The following ARMC2 variants were observed in gnomAD, a reference collection of about 807,000 sequenced individuals.
The protein encoded by ARMC2 is armadillo repeat-containing protein 2.
ARMC2 carries 67 observed loss-of-function variants against 90.3 expected under a neutral mutation model. The ratio of observed to expected loss-of-function variants is 0.74; its 90% CI spans 0.61 to 0.91. The LOEUF (loss-of-function observed/expected upper bound fraction) is 0.91, where lower values mean the gene tolerates loss of function less well. Ranked by LOEUF, ARMC2 falls within the 40% of genes least tolerant of loss-of-function variation. The pLI, the probability that ARMC2 is intolerant of heterozygous loss-of-function variation, is 0.00. For missense variants in ARMC2, 920 were observed against 1,030.9 expected, an observed-to-expected ratio of 0.89 and a Z score of 1.47; for synonymous variants, 393 against 393.0, an observed-to-expected ratio of 1.00 and a Z score of 0.00.
rs141262039 is a variant in ARMC2, at chr6:108,968,406, G to A, written c.2446+3266G>A. 8.9e-3 allele frequency among the ~76,000 whole-genome samples: 1,357 copies of A among 152,292 alleles called. 10 individuals carry two copies. Among genetic ancestry groups the A allele is most frequent in the Non-Finnish European group, 0.014 (980 of 68,028 alleles). ...CTGCACCTTGTGCAGGGGGACTGTG[G>A]CATGGATAACAGCAAATAAACACAG... On this transcript the variant is annotated intron_variant, in intron 17 of 17. Transcript: ENST00000392644.
chr6:108,961,517 G>A, intron 13 of ARMC2, 55 bp from the exon 14 acceptor site: 1 of 1,521,974 alleles, frequency 6.6e-7, no homozygotes, highest in Non-Finnish European at 8.8e-7. Flanking sequence ...TTGCAACGTA[G>A]TTGGTTCTAC....
At chr6:108,904,647 A>T (rs1333797710) in intron 8 of ARMC2, among the ~76,000 whole-genome samples, 1 of 7,326 alleles carries the variant, frequency 1.4e-4, no homozygotes. Context: ...CAACTAAGTT[A>T]AAAAAAAAAA....
chr6:108,889,770 A>G (rs1770766679), intron 5 of ARMC2, among the ~76,000 whole-genome samples: 1 of 151,730 alleles, frequency 6.6e-6, no homozygotes. Context: ...TTTAAGGCCC[A>G]TTTTGTAGTC....
rs1437406120 is a variant in ARMC2, at chr6:108,961,773, A to C, written c.2038+79A>C. On this transcript the variant is annotated intron_variant, in intron 14 of 17. Coordinates refer to ENST00000392644, the MANE Select transcript of ARMC2 (RefSeq NM_032131.6). ...TTATTAACTAAACACAGAGCAGGAG[A>C]CATTACTATCTTCTGCCTTCTGGTA... 6 of 1,437,842 alleles carry C rather than the reference A, an allele frequency of 4.2e-6. No homozygotes were observed. The African/African-American group carries it at 4.3e-5, about 10-fold the overall frequency. 89.1% of individuals were successfully genotyped at this position (1,437,842 alleles called of 1,614,324 possible).
chr6:108,977,996 C>G (rs1023411526), downstream of ARMC2, among the ~76,000 whole-genome samples: 3 of 152,132 alleles, frequency 2.0e-5, no homozygotes, highest in African/African-American at 7.2e-5. Context: ...GTCTCTATCA[C>G]TTTCAGTTCT....
intron 13 of ARMC2, among the ~76,000 whole-genome samples, chr6:108,956,547 A>T (rs1001033999): frequency 2.6e-5 from 4 of 151,782 alleles, no homozygotes; most frequent in Non-Finnish European, 4.4e-5. Context: ...AAAAAAAAAA[A>T]AAAATTAGCT....
intron 5 of ARMC2, among the ~76,000 whole-genome samples, chr6:108,884,647 A>G (rs963304483): frequency 3.3e-5 from 5 of 152,198 alleles, no homozygotes; most frequent in African/African-American, 9.7e-5. Flanking sequence ...TGAGGCTGCA[A>G]GCCATAGCGC....
chr6:108,911,279 T>A (rs1415664605), intron 9 of ARMC2, among the ~76,000 whole-genome samples: 1 of 152,204 alleles, frequency 6.6e-6, no homozygotes, highest in Non-Finnish European at 1.5e-5. Context: ...TGGACTTGGA[T>A]TTAATATATA....
At chr6:108,994,131 C>G in the ARMC2 span, among the ~76,000 whole-genome samples, 1 of 144,922 alleles carries the variant, frequency 6.9e-6, no homozygotes, top group African/African-American at 2.6e-5. Flanking sequence ...AAAGCAAGAC[C>G]CTGTTTCTTA....
chr6:108,955,349 C>T (rs72935149), intron 13 of ARMC2, among the ~76,000 whole-genome samples: 37,217 of 152,050 alleles, frequency 0.24, 5,015 homozygotes, highest in Admixed American at 0.33. Context: ...AGCCCGGCTG[C>T]GGGCATGTGA....
chr6:109,020,779 T>C, the ARMC2 span, among the ~76,000 whole-genome samples: 371 of 152,270 alleles, frequency 2.4e-3, 2 homozygotes, highest in African/African-American at 8.5e-3. Context: ...TGTGAAACAA[T>C]AGTTAACAGT....
intron 3 of ARMC2, 36 bp from the exon 4 acceptor site, chr6:108,868,788 A>T (rs748227632): frequency 1.2e-6 from 2 of 1,603,830 alleles, no homozygotes; most frequent in East Asian, 4.5e-5. Context: ...GAGACGCAGA[A>T]AGTCATTCCA....
At chr6:109,005,338 A>G in the ARMC2 span, among the ~76,000 whole-genome samples, 2 of 152,172 alleles carry the variant, frequency 1.3e-5, no homozygotes, top group African/African-American at 4.8e-5. Context: ...CAGAATATGT[A>G]TATATTATGT....
chr6:108,856,498 C>A, intron 2 of ARMC2: 1 of 217,672 alleles, frequency 4.6e-6, no homozygotes, highest in South Asian at 7.7e-5. Flanking sequence ...AGTTTCTTGT[C>A]ATCAACCTTA....
At chr6:108,910,843 T>A in intron 8 of ARMC2, 56 bp from the exon 9 acceptor site, 3 of 833,938 alleles carry the variant, frequency 3.6e-6, no homozygotes, top group Non-Finnish European at 1.8e-6. Context: ...TTATTTTTTT[T>A]AATACAGCAT....
chr6:108,911,786 T>A (rs1773461174), intron 9 of ARMC2, among the ~76,000 whole-genome samples: 1 of 152,174 alleles, frequency 6.6e-6, no homozygotes, highest in South Asian at 2.1e-4. Flanking sequence ...ATTAACGTTA[T>A]TGGATTTGCC....
At chr6:108,952,975 C>T (rs1777292889) in intron 12 of ARMC2, 58 bp from the exon 13 acceptor site, 1 of 1,424,762 alleles carries the variant, frequency 7.0e-7, no homozygotes, top group Admixed American at 2.2e-5. Flanking sequence ...CTATCTTCTT[C>T]CCCACGATGT....
intron 8 of ARMC2, chr6:108,907,691 A>G (rs1772924369): frequency 3.7e-6 from 6 of 1,608,024 alleles, no homozygotes; most frequent in Non-Finnish European, 5.1e-6. Flanking sequence ...TGCCAGCACC[A>G]TGGTAACCCC....
intron 3 of ARMC2, among the ~76,000 whole-genome samples, chr6:108,868,254 T>A (rs1170524039): frequency 1.3e-5 from 2 of 151,928 alleles, no homozygotes; most frequent in Non-Finnish European, 2.9e-5. Flanking sequence ...TCTTGCTCTG[T>A]CACCCAGGCT....
Sources: gnomAD v4.1 joint callset for allele counts (sites outside exome capture counted in the v4.1 genomes callset) on GRCh38, gnomAD v4.1.1 for gene constraint, MANE v1.5 for transcripts, NCBI Gene and HGNC (gene_info 2026-07-23, HGNC 2026-07-21) for gene names.